The following BCAT1 variants were observed in gnomAD, a reference collection of about 807,000 sequenced individuals.
The protein encoded by BCAT1 is branched chain amino acid transaminase 1.
Under a neutral mutation model 52.4 loss-of-function variants are expected in BCAT1, and 48 were observed. The observed-to-expected ratio is 0.92, with a 90% CI of 0.73 to 1.16. BCAT1 has a LOEUF of 1.16. BCAT1 is among the 50% of genes most tolerant of loss of function. The pLI is 0.00. For missense variants in BCAT1, 451 were observed against 457.1 expected, an observed-to-expected ratio of 0.99 and a Z score of 0.12; for synonymous variants, 167 against 161.3, an observed-to-expected ratio of 1.04 and a Z score of -0.27.
chr12:24,836,661 G>A lies in BCAT1; in HGVS notation c.818-65C>T, dbSNP rs919689784. 5 of 1,319,174 alleles carry A rather than the reference G, an allele frequency of 3.8e-6. No homozygotes were observed. In the African/African-American group the frequency reaches 5.9e-5, roughly 15 times the overall value. The allele number at this position is 1,319,174 out of a possible 1,614,324, so 81.7% of individuals were successfully genotyped here. The stretch of plus-strand genomic sequence containing the variant: ...CATTAGGCATGCCTTATTATCAATA[G>A]CCATTTTTTTAAAAAACCATCACAA... On this transcript the variant is annotated intron_variant, in intron 7 of 10. Transcript: ENST00000261192.
chr12:24,845,734 A>G (rs776064222), intron 6 of BCAT1, among the ~76,000 whole-genome samples: 31 of 152,346 alleles, frequency 2.0e-4, no homozygotes, highest in Admixed American at 6.5e-4. Context: ...TGAGACTGTT[A>G]CATCCTAATG....
intron 8 of BCAT1, chr12:24,833,816 CTCTT>C (rs531315543): frequency 3.0e-5 from 4 of 133,808 alleles, no homozygotes; most frequent in Non-Finnish European, 6.5e-5. Context: ...CTACGTTTGT[CTCTT>C]TCTTTTTTTT....
intron 1 of BCAT1, among the ~76,000 whole-genome samples, chr12:24,917,083 T>A (rs1183677181): frequency 6.6e-6 from 1 of 152,150 alleles, no homozygotes; most frequent in East Asian, 1.9e-4. Flanking sequence ...CAAAAACCCT[T>A]TAAAATAGTA....
intron 6 of BCAT1, among the ~76,000 whole-genome samples, chr12:24,848,354 T>G (rs961307899): frequency 6.6e-5 from 10 of 152,212 alleles, no homozygotes; most frequent in African/African-American, 2.2e-4. Flanking sequence ...AAGTCCACAG[T>G]TTACATTAGG....
intron 10 of BCAT1, among the ~76,000 whole-genome samples, chr12:24,821,972 G>A (rs1374668883): frequency 1.3e-5 from 2 of 152,154 alleles, no homozygotes; most frequent in African/African-American, 4.8e-5. Context: ...AGCAAAACCT[G>A]GAGGCATCAG....
At chr12:24,841,368 T>C (rs1941167372) in intron 7 of BCAT1, among the ~76,000 whole-genome samples, 1 of 152,250 alleles carries the variant, frequency 6.6e-6, no homozygotes, top group Non-Finnish European at 1.5e-5. Flanking sequence ...CTGCATTTAT[T>C]ACTCTAGCAT....
At chr12:24,902,076 C>A (rs1043192796) in intron 1 of BCAT1, 191 bp from the exon 2 acceptor site, 2 of 1,500,202 alleles carry the variant, frequency 1.3e-6, no homozygotes, top group Non-Finnish European at 1.8e-6. Flanking sequence ...CGCTGCCCTG[C>A]ACTTCCCACC....
At chr12:24,835,417 C>G (rs1940872887) in intron 8 of BCAT1, among the ~76,000 whole-genome samples, 1 of 152,150 alleles carries the variant, frequency 6.6e-6, no homozygotes, top group South Asian at 2.1e-4. Context: ...AAAGCCTTTT[C>G]ATGTTCTTTG....
intron 1 of BCAT1, chr12:24,902,188 A>G (rs1191696561): frequency 2.1e-6 from 3 of 1,432,196 alleles, no homozygotes; most frequent in Non-Finnish European, 2.7e-6. Flanking sequence ...GGCAAAGAAC[A>G]AAAAAACAAT....
chr12:24,878,736 T>C, intron 4 of BCAT1, 87 bp from the exon 5 acceptor site: 3 of 1,236,194 alleles, frequency 2.4e-6, no homozygotes, highest in Non-Finnish European at 3.3e-6. Context: ...TTTAAACTGT[T>C]AAAAAATTAA....
chr12:24,855,355 G>A (rs147517643), intron 5 of BCAT1, among the ~76,000 whole-genome samples: 17 of 151,222 alleles, frequency 1.1e-4, no homozygotes, highest in African/African-American at 4.1e-4. Context: ...ATTGAGGACT[G>A]AATTATCACC....
At chr12:24,907,934 A>G (rs7967953) in intron 1 of BCAT1, among the ~76,000 whole-genome samples, 143,984 of 152,254 alleles carry the variant, frequency 0.95, 68,585 homozygotes, top group East Asian at 1. Flanking sequence ...TCACACGAAC[A>G]CACATGACAA....
chr12:24,902,153 C>T, intron 1 of BCAT1: 1 of 1,440,574 alleles, frequency 6.9e-7, no homozygotes, highest in South Asian at 1.5e-5. Flanking sequence ...AATTCCAGGT[C>T]AGCCCTACAG....
Position 24,829,869 on chromosome 12 carries a change from C to T in BCAT1, c.1073G>A (p.Gly358Asp), listed in dbSNP as rs1253452843. The T allele has an allele frequency of 2.5e-6, 4 of 1,610,900 alleles. No individual in the cohort carries two copies. In the Admixed American group the frequency reaches 5.0e-5, roughly 20 times the overall value. ...CAAGATGCGGCTTGCCAGCTTAGGA[C>T]CATTCTCCATAGTTGGAATGTGTAT... ...ETIHIPTMEN[G>D]PKLASRILSK... is the part of the protein sequence containing the mutation. The change falls in exon 10 of 11, where the codon GGT becomes GAT. Residue 358 changes from glycine (G) to aspartate (D), a missense_variant. Gly to Asp is a moderately conservative substitution (Grantham distance 94). Transcript: ENST00000261192.
chr12:24,903,164 A>G, intron 1 of BCAT1: 1 of 1,259,718 alleles, frequency 7.9e-7, no homozygotes, highest in Non-Finnish European at 1.0e-6. Flanking sequence ...CCCCTCCAGC[A>G]TCCCTTGGGG....
intron 2 of BCAT1, among the ~76,000 whole-genome samples, chr12:24,897,596 C>G (rs1208682465): frequency 1.3e-5 from 2 of 152,194 alleles, no homozygotes; most frequent in Admixed American, 1.3e-4. Context: ...CTCTGTCACC[C>G]AGGCGGAAGA....
intron 1 of BCAT1, among the ~76,000 whole-genome samples, chr12:24,944,843 A>AT (rs1182799913): frequency 2.6e-4 from 40 of 151,746 alleles, no homozygotes; most frequent in Non-Finnish European, 3.2e-4. Flanking sequence ...AATTTCCTCT[A>AT]TTTTTTTCTT....
chr12:24,817,977 T>G lies in BCAT1; in HGVS notation c.*31A>C, dbSNP rs779941308. 4 of 1,608,582 alleles carry G rather than the reference T, an allele frequency of 2.5e-6. No individual in the cohort carries two copies. In the East Asian group the frequency reaches 8.9e-5, roughly 36 times the overall value. ...TCCCAGTAGCATACAGTTGGTATCC[T>G]CTATTTTCCATTGTATCCTCTATTT... On this transcript the variant is annotated 3_prime_UTR_variant, in exon 11 of 11. Transcript: ENST00000261192.
intron 5 of BCAT1, among the ~76,000 whole-genome samples, chr12:24,859,392 G>T (rs189968791): frequency 6.6e-6 from 1 of 152,024 alleles, no homozygotes. Flanking sequence ...AGGCTGAGGC[G>T]GGTGGATCAC....
Sources: gnomAD v4.1 joint callset for allele counts (sites outside exome capture counted in the v4.1 genomes callset) on GRCh38, gnomAD v4.1.1 for gene constraint, MANE v1.5 for transcripts, NCBI Gene and HGNC (gene_info 2026-07-23, HGNC 2026-07-21) for gene names.